NEGR1: variants seen among roughly 807,000 people sequenced by gnomAD.
The protein encoded by NEGR1 is IgLON family member 4.
In NEGR1, 10 loss-of-function variants were observed where a neutral mutation model predicts 40.9. The ratio of observed to expected loss-of-function variants is 0.24; its 90% confidence interval spans 0.15 to 0.42. NEGR1 has a LOEUF of 0.42. NEGR1 is among the 10% of genes least tolerant of loss of function. The pLI, the probability that NEGR1 is intolerant of heterozygous loss-of-function variation, is 1.00. For synonymous variants in NEGR1, 185 were observed against 166.8 expected, an observed-to-expected ratio of 1.11 and a Z score of -0.84; for missense variants, 352 against 438.9, an observed-to-expected ratio of 0.80 and a Z score of 1.77.
intron 6 of NEGR1, among the ~76,000 whole-genome samples, chr1:71,427,957 T>C (rs999737173): frequency 6.6e-6 from 1 of 151,178 alleles, no homozygotes; most frequent in Non-Finnish European, 1.5e-5. Flanking sequence ...AAGGGAGCTA[T>C]GCACCTGCAC....
chr1:72,051,902 TTG>T (rs1383892257), intron 1 of NEGR1, among the ~76,000 whole-genome samples: 1 of 151,432 alleles, frequency 6.6e-6, no homozygotes, highest in East Asian at 1.9e-4. Flanking sequence ...AATATGAAGT[TTG>T]TTTGTCCTAT....
At chr1:71,841,896 T>A (rs1315219097) in intron 2 of NEGR1, among the ~76,000 whole-genome samples, 1 of 152,168 alleles carries the variant, frequency 6.6e-6, no homozygotes, top group African/African-American at 2.4e-5. Flanking sequence ...TATTGTGTGT[T>A]GATGATATGC....
intron 3 of NEGR1, among the ~76,000 whole-genome samples, chr1:71,702,240 C>A (rs2637688): frequency 0.017 from 2,531 of 152,142 alleles, 59 homozygotes; most frequent in African/African-American, 0.058. Context: ...ATGGATATTA[C>A]TCGTGACAAG....
intron 1 of NEGR1, among the ~76,000 whole-genome samples, chr1:72,146,375 T>C (rs572678555): frequency 6.6e-6 from 1 of 152,272 alleles, no homozygotes; most frequent in East Asian, 1.9e-4. Context: ...TAATGCCATG[T>C]CATACTTTTT....
At chr1:72,168,439 A>G (rs1651845469) in intron 1 of NEGR1, among the ~76,000 whole-genome samples, 1 of 152,064 alleles carries the variant, frequency 6.6e-6, no homozygotes, top group Admixed American at 6.6e-5. Context: ...GTATGTACAC[A>G]GGAACAATTT....
chr1:71,890,160 T>C (rs1660836640), intron 2 of NEGR1, among the ~76,000 whole-genome samples: 1 of 135,218 alleles, frequency 7.4e-6, no homozygotes, highest in Admixed American at 8.4e-5. Flanking sequence ...CTGCATCAAC[T>C]AACGAGCAAA....
intron 1 of NEGR1, among the ~76,000 whole-genome samples, chr1:72,110,221 T>TAAA (rs57618301): frequency 0.013 from 1,341 of 104,876 alleles, 14 homozygotes; most frequent in African/African-American, 0.023. Flanking sequence ...TAGAGTATAA[T>TAAA]AAAAAAAAAA....
intron 4 of NEGR1, among the ~76,000 whole-genome samples, chr1:71,658,405 A>AT (rs374438446): frequency 3.7e-4 from 56 of 150,132 alleles, no homozygotes; most frequent in Middle Eastern, 3.4e-3. Flanking sequence ...AATAAACTAC[A>AT]TTTTTTTTTT....
At chr1:72,154,177 C>T (rs1011902290) in intron 1 of NEGR1, among the ~76,000 whole-genome samples, 1 of 151,058 alleles carries the variant, frequency 6.6e-6, no homozygotes, top group Non-Finnish European at 1.5e-5. Flanking sequence ...TGTATACACG[C>T]CAATAGGTTT....
chr1:71,701,163 T>G (rs953756184), intron 3 of NEGR1, among the ~76,000 whole-genome samples: 4 of 152,060 alleles, frequency 2.6e-5, no homozygotes, highest in African/African-American at 9.7e-5. Context: ...AGCCACTAAG[T>G]TTGTGGTAAT....
chr1:71,585,123 G>A (rs1232303658), intron 6 of NEGR1, among the ~76,000 whole-genome samples: 1 of 151,980 alleles, frequency 6.6e-6, no homozygotes, highest in Non-Finnish European at 1.5e-5. Context: ...GCATTTTTTT[G>A]TCGAATAAAA....
chr1:71,973,480 A>G (rs1334870140), intron 1 of NEGR1, among the ~76,000 whole-genome samples: 2 of 152,178 alleles, frequency 1.3e-5, no homozygotes, highest in African/African-American at 4.8e-5. Flanking sequence ...AATTTGTTAT[A>G]AAAGCTCTAG....
chr1:71,791,797 T>C (rs1657128747), intron 2 of NEGR1, among the ~76,000 whole-genome samples: 1 of 151,846 alleles, frequency 6.6e-6, no homozygotes, highest in African/African-American at 2.4e-5. Flanking sequence ...CTAACTTTAA[T>C]TGGAAGTAGG....
chr1:71,878,407 G>C (rs547802626), intron 2 of NEGR1, among the ~76,000 whole-genome samples: 2 of 152,186 alleles, frequency 1.3e-5, no homozygotes, highest in Non-Finnish European at 2.9e-5. Flanking sequence ...TTATAGTCTG[G>C]TGTGGACTCC....
chr1:72,270,825 G>T (rs749592208), intron 1 of NEGR1, among the ~76,000 whole-genome samples: 3 of 151,774 alleles, frequency 2.0e-5, no homozygotes, highest in African/African-American at 4.8e-5. Context: ...TCTTTTGAGT[G>T]CTCTGGGTCT....
rs770765834 is a variant in NEGR1 at position 71,399,194 on chromosome 1, G to A, written c.*8252C>T. ...ATTTTGAAACCTGAATAATGAGAGA[G>A]CAGGAATTCTGAACACACATACTAG... On this transcript the variant is annotated 3_prime_UTR_variant, in exon 7 of 7. Coordinates refer to ENST00000357731, the MANE Select transcript of NEGR1 (RefSeq NM_173808.3). 2 of 151,544 alleles carry A rather than the reference G, an allele frequency of 1.3e-5. No homozygotes were observed. Among genetic ancestry groups the A allele is most frequent in the Non-Finnish European group, 2.9e-5 (2 of 67,974 alleles). The allele number at this position is 151,544 out of a possible 1,614,324, so 9.4% of individuals were successfully genotyped here. A position where few individuals can be genotyped will look rare whatever the true frequency, so the allele number is the denominator to read the frequency against.
chr1:72,001,861 G>A (rs1027025236), intron 1 of NEGR1, among the ~76,000 whole-genome samples: 2 of 151,900 alleles, frequency 1.3e-5, no homozygotes, highest in African/African-American at 4.8e-5. Flanking sequence ...ATTCACTTAA[G>A]AGTGTCATAT....
intron 6 of NEGR1, among the ~76,000 whole-genome samples, chr1:71,470,395 A>AAT (rs1646774504): frequency 6.6e-6 from 1 of 152,142 alleles, no homozygotes; most frequent in Non-Finnish European, 1.5e-5. Flanking sequence ...ATGAAACGCT[A>AAT]TTAGGCTAGG....
chr1:72,022,317 G>T (rs1569838765), intron 1 of NEGR1, among the ~76,000 whole-genome samples: 1 of 121,136 alleles, frequency 8.3e-6, no homozygotes, highest in African/African-American at 3.0e-5. Flanking sequence ...ATATCCTAAA[G>T]CAAACAATCC....
Sources: allele counts gnomAD v4.1 joint callset (sites outside exome capture counted in the v4.1 genomes callset), GRCh38; gene constraint gnomAD v4.1.1; transcripts MANE v1.5; gene names NCBI Gene and HGNC (gene_info 2026-07-23, HGNC 2026-07-21).